MAPT: variants seen among roughly 807,000 people sequenced by gnomAD.
MAPT encodes microtubule associated protein tau.
A neutral mutation model predicts 67.9 loss-of-function variants in MAPT; 34 were observed. The ratio of observed to expected loss-of-function variants is 0.50; its 90% confidence interval spans 0.38 to 0.67. The LOEUF (loss-of-function observed/expected upper bound fraction) is 0.67, where lower values mean the gene tolerates loss of function less well. MAPT is among the 30% of genes least tolerant of loss of function. MAPT has a pLI of 0.00. For synonymous variants in MAPT, 456 were observed against 464.5 expected, an observed-to-expected ratio of 0.98 and a Z score of 0.23; for missense variants, 881 against 1,115.2, an observed-to-expected ratio of 0.79 and a Z score of 2.99.
At chr17:45,904,696 CT>C (rs112216179) in intron 1 of MAPT, among the ~76,000 whole-genome samples, 73 of 146,562 alleles carry the variant, frequency 5.0e-4, no homozygotes, top group East Asian at 8.0e-4. Flanking sequence ...TGTCTCTAAA[CT>C]TTTTTTTTTT....
chr17:45,974,505 A>G, intron 3 of MAPT: 1 of 1,547,126 alleles, frequency 6.5e-7, no homozygotes, highest in South Asian at 1.2e-5. Flanking sequence ...CCAGGCAGTC[A>G]AGGCCCTGCT....
intron 1 of MAPT, among the ~76,000 whole-genome samples, chr17:45,958,740 AGAG>A (rs1193427114): frequency 2.6e-5 from 4 of 151,116 alleles, no homozygotes; most frequent in African/African-American, 7.3e-5. Flanking sequence ...AAAAAAAAAA[AGAG>A]GAGAAAAATG....
chr17:45,962,264 C>A, intron 1 of MAPT, 57 bp from the exon 2 acceptor site: 3 of 1,418,122 alleles, frequency 2.1e-6, no homozygotes, highest in East Asian at 4.7e-5. Flanking sequence ...TCTCTCTTCA[C>A]CCCCACTCTG....
In MAPT at chr17:45,971,730, C is replaced by G. The variant is rs954449817; in HGVS notation, c.134-129C>G. On this transcript the variant is annotated intron_variant, in intron 2 of 12. Transcript: ENST00000262410. The surrounding 1 kb of genome is among the most constrained non-coding windows in gnomAD (Gnocchi z 4.3). ...CCCCTTTGTGGGTTTGTTGCGAGGC[C>G]GTGTTCCAGCTGTTTCCACAGGGAG... is the stretch of plus-strand genomic sequence containing the variant. 5 of 737,024 alleles carry G rather than the reference C, an allele frequency of 6.8e-6. No individual in the cohort carries two copies. The East Asian group carries it at 1.3e-4, about 20-fold the overall frequency. The allele number at this position is 737,024 out of a possible 1,614,324, so 45.7% of individuals were successfully genotyped here.
Position 45,922,486 on chromosome 17 carries a change from A to AACACACACACACACACACACACACAC in MAPT, c.-18+27808_-18+27833dup, listed in dbSNP as rs59017604. 6.3e-4 allele frequency among the ~76,000 whole-genome samples: 93 copies of AACACACACACACACACACACACACAC among 146,664 alleles called. 1 individual carries two copies. The highest frequency in any genetic ancestry group is 1.1e-3 in the Non-Finnish European group (70 of 66,602). ...TCCCGTCCCTGCAGGCTAGCTAGAG[A>AACACACACACACACACACACACACAC]ACACACACACACACACACACACACA... is the stretch of plus-strand genomic sequence containing the variant. On this transcript the variant is annotated intron_variant, in intron 1 of 12. Transcript: ENST00000262410.
rs772110335 is a variant in MAPT at position 45,991,457 on chromosome 17, C to T, written c.1606-3C>T. 9.9e-6 allele frequency: 16 copies of T among 1,614,078 alleles called. No individual in the cohort carries two copies. The highest frequency in any genetic ancestry group is 1.2e-5 in the Non-Finnish European group (14 of 1,180,046). On this transcript the variant is annotated splice_polypyrimidine_tract_variant and splice_region_variant and intron_variant, in intron 7 of 12. Coordinates refer to ENST00000262410, the MANE Select transcript of MAPT (RefSeq NM_001377265.1). ...AAACCCCTCTATCATGTTTCATTTA[C>T]AGGGGGCTGATGGTAAAACGAAGAT...
chr17:45,913,906 A>G (rs17563986), intron 1 of MAPT, among the ~76,000 whole-genome samples: 21,800 of 152,126 alleles, frequency 0.14, 2,130 homozygotes, highest in Middle Eastern at 0.22. Context: ...TTGGGCTTTC[A>G]TGATGCTCAC....
At chr17:45,911,515 CT>C (rs2064789455) in intron 1 of MAPT, among the ~76,000 whole-genome samples, 1 of 152,132 alleles carries the variant, frequency 6.6e-6, no homozygotes, top group Non-Finnish European at 1.5e-5. Context: ...AATCCCAGCA[CT>C]TTAGGAGGCC....
chr17:45,956,168 T>A lies in MAPT; in HGVS notation c.-17-6153T>A, dbSNP rs143722396. ...AGCCTGGCTGGCCAGATGGTGCCTT[T>A]GACCTGCTCTGTCTCTGTGCAAAGG... On this transcript the variant is annotated intron_variant, in intron 1 of 12. Transcript: ENST00000262410. 3.3e-5 allele frequency among the ~76,000 whole-genome samples: 5 copies of A among 152,240 alleles called. No individual in the cohort carries two copies. The East Asian group carries it at 9.6e-4, about 29-fold the overall frequency.
intron 1 of MAPT, among the ~76,000 whole-genome samples, chr17:45,903,929 T>TATATATTTATATATATG: frequency 2.6e-5 from 1 of 38,438 alleles, no homozygotes; most frequent in South Asian, 6.2e-4. Flanking sequence ...TTATATATAT[T>TATATATTTATATATATG]ATATATTTAT....
intron 2 of MAPT, among the ~76,000 whole-genome samples, chr17:45,963,556 T>C (rs2070699048): frequency 6.6e-6 from 1 of 152,198 alleles, no homozygotes; most frequent in African/African-American, 2.4e-5. Flanking sequence ...CAGGATGGAC[T>C]CAGTCCCTGC....
At chr17:45,928,366 A>T (rs1027484370) in intron 1 of MAPT, among the ~76,000 whole-genome samples, 1 of 152,178 alleles carries the variant, frequency 6.6e-6, no homozygotes, top group African/African-American at 2.4e-5. Flanking sequence ...CAGCAGAAAC[A>T]TCACTTCCTT....
intron 1 of MAPT, among the ~76,000 whole-genome samples, chr17:45,951,936 A>G (rs1418604635): frequency 6.6e-6 from 1 of 151,998 alleles, no homozygotes; most frequent in East Asian, 1.9e-4. Flanking sequence ...GAGAGGGAGG[A>G]AGGCTGATGG....
chr17:45,999,069 T>G (rs555501527), intron 9 of MAPT, among the ~76,000 whole-genome samples: 1 of 152,278 alleles, frequency 6.6e-6, no homozygotes, highest in East Asian at 1.9e-4. Context: ...TCCCCGCCCA[T>G]GCACCTCTGG....
At chr17:45,970,881 C>A (rs191095486) in intron 2 of MAPT, among the ~76,000 whole-genome samples, 113 of 152,374 alleles carry the variant, frequency 7.4e-4, no homozygotes, top group African/African-American at 2.3e-3. Context: ...TCCTTCCTCC[C>A]TCAGGAGAGT....
intron 1 of MAPT, among the ~76,000 whole-genome samples, chr17:45,941,725 T>G (rs139644700): frequency 0.12 from 14,712 of 123,250 alleles, 1,587 homozygotes; most frequent in Non-Finnish European, 0.18. Flanking sequence ...CTTCCTTCCT[T>G]CCTTCCTTCC....
intron 5 of MAPT, 128 bp downstream of exon 5, chr17:45,984,058 A>G (rs2073290536): frequency 2.8e-5 from 22 of 791,960 alleles, no homozygotes; most frequent in South Asian, 5.3e-5. Context: ...ACGCCACTAA[A>G]TCGACACCTG....
rs114978832 is a variant in MAPT, at chr17:46,016,822, G to C, written c.2174-1796G>C. ...AGTGCTGTCTATACTTCTTTCTGCA[G>C]TGATGGAAATATTCTGTATCTGTGC... On this transcript the variant is annotated intron_variant, in intron 11 of 12. Coordinates refer to ENST00000262410, the MANE Select transcript of MAPT (RefSeq NM_001377265.1). 2.6e-3 allele frequency among the ~76,000 whole-genome samples: 403 copies of C among 152,340 alleles called. 4 individuals carry two copies. Among genetic ancestry groups the C allele is most frequent in the African/African-American group, 9.3e-3 (386 of 41,576 alleles).
chr17:46,024,075 T>G lies in MAPT; in HGVS notation c.2406T>G (p.Asn802Lys). 1 of 1,614,114 alleles carries G rather than the reference T, an allele frequency of 6.2e-7. No individual in the cohort carries two copies. The highest frequency in any genetic ancestry group is 8.5e-7 in the Non-Finnish European group (1 of 1,180,024). The stretch of plus-strand genomic sequence containing the variant: ...ACACGTCTCCACGGCATCTCAGCAA[T>G]GTCTCCTCCACCGGCAGCATCGACA... The part of the protein sequence containing the change: ...SGDTSPRHLS[N>K]VSSTGSIDMV... Residue 802 changes from asparagine (N) to lysine (K), a missense_variant, in exon 13 of 13, where the codon AAT (asparagine) becomes AAG (lysine). Coordinates refer to ENST00000262410, the MANE Select transcript of MAPT (RefSeq NM_001377265.1).
Sources: gnomAD v4.1 joint callset for allele counts (sites outside exome capture counted in the v4.1 genomes callset) on GRCh38, gnomAD v4.1.1 for gene constraint, Gnocchi (gnomAD v3.1) non-coding constraint, MANE v1.5 for transcripts, NCBI Gene and HGNC (gene_info 2026-07-23, HGNC 2026-07-21) for gene names.